Variants in PECR observed in about 807,000 individuals in gnomAD.
PECR encodes peroxisomal trans-2-enoyl-CoA reductase.
PECR carries 30 observed loss-of-function variants against 35.3 expected under a neutral mutation model. The ratio of observed to expected loss-of-function variants is 0.85; its 90% CI spans 0.64 to 1.15. PECR has a LOEUF of 1.15. PECR is among the 50% of genes most tolerant of loss of function. PECR has a pLI of 0.00. For missense variants in PECR, 392 were observed against 370.8 expected (o/e 1.06, Z -0.47); for synonymous variants, 148 against 138.9 (o/e 1.07, Z -0.46).
At chr2:216,070,073 A>G (rs1297343416) in intron 1 of PECR, among the ~76,000 whole-genome samples, 2 of 152,234 alleles carry the variant, frequency 1.3e-5, no homozygotes, top group African/African-American at 4.8e-5. Context: ...CTTGCTCTAT[A>G]TCATAAGGTA....
intron 7 of PECR, among the ~76,000 whole-genome samples, chr2:216,041,611 A>C (rs1398536628): frequency 6.6e-6 from 1 of 152,192 alleles, no homozygotes; most frequent in Non-Finnish European, 1.5e-5. Context: ...CTTATATGTT[A>C]ATGATTGACT....
chr2:216,036,041 T>C (rs1694788146), downstream of PECR, among the ~76,000 whole-genome samples: 2 of 152,194 alleles, frequency 1.3e-5, no homozygotes, highest in South Asian at 4.1e-4. Flanking sequence ...TCAGACACCA[T>C]GACTATCTGG....
chr2:216,042,267 G>A (rs1261528549), intron 7 of PECR, among the ~76,000 whole-genome samples: 1 of 152,164 alleles, frequency 6.6e-6, no homozygotes, highest in Non-Finnish European at 1.5e-5. Flanking sequence ...CCAAACAACT[G>A]GTCACAGAAG....
rs1267423614 is a variant in PECR, at chr2:216,066,538, G to A, written c.125-20C>T. The A allele has an allele frequency of 1.2e-6, 2 of 1,609,160 alleles. No homozygotes were observed. Among genetic ancestry groups the A allele is most frequent in the Non-Finnish European group, 1.7e-6 (2 of 1,178,392 alleles). ...TACTCCCTGAGGAGAAACAGCCAGAGAACAAATAAATATGCCTTCATGGGA... is the reference window on the plus strand; with the variant it reads ...TACTCCCTGAGGAGAAACAGCCAGAAAACAAATAAATATGCCTTCATGGGA... On this transcript the variant is annotated intron_variant, in intron 1 of 7. Transcript: ENST00000265322.
intron 7 of PECR, among the ~76,000 whole-genome samples, chr2:216,029,910 T>C (rs371684171): frequency 6.6e-6 from 1 of 152,226 alleles, no homozygotes; most frequent in South Asian, 2.1e-4. Flanking sequence ...GTTTGTAGCC[T>C]ATGGCTGAGT....
intron 7 of PECR, among the ~76,000 whole-genome samples, chr2:216,043,176 C>T (rs537201457): frequency 4.7e-5 from 7 of 148,158 alleles, no homozygotes; most frequent in Non-Finnish European, 9.0e-5. Flanking sequence ...GGCACAATCT[C>T]GGCTCACTGC....
chr2:216,071,430 C>T (rs1026160559), intron 1 of PECR, among the ~76,000 whole-genome samples: 10 of 151,888 alleles, frequency 6.6e-5, no homozygotes, highest in African/African-American at 2.2e-4. Flanking sequence ...TCATCCTTCT[C>T]GTGCAACAGT....
At chr2:216,051,053 T>C (rs951908512) in intron 5 of PECR, among the ~76,000 whole-genome samples, 7 of 151,624 alleles carry the variant, frequency 4.6e-5, no homozygotes, top group African/African-American at 7.3e-5. Flanking sequence ...TGAGAGGCCA[T>C]GGCGAACAGA....
At chr2:216,043,090 T>A (rs1309119542) in intron 7 of PECR, among the ~76,000 whole-genome samples, 1 of 142,742 alleles carries the variant, frequency 7.0e-6, no homozygotes, top group Admixed American at 7.0e-5. Flanking sequence ...TACACATACA[T>A]ATATATGTAT....
chr2:216,065,709 G>A (rs1184950207), intron 2 of PECR, among the ~76,000 whole-genome samples: 15 of 152,134 alleles, frequency 9.9e-5, no homozygotes, highest in Admixed American at 9.2e-4. Flanking sequence ...TAATTTTGAC[G>A]ACAAGATATA....
intron 4 of PECR, among the ~76,000 whole-genome samples, chr2:216,055,912 A>G (rs1242042391): frequency 2.0e-5 from 3 of 152,184 alleles, no homozygotes; most frequent in African/African-American, 7.2e-5. Flanking sequence ...CTGTGTCTTT[A>G]CACAGTAAAT....
chr2:216,072,116 G>A (rs973725546), intron 1 of PECR, among the ~76,000 whole-genome samples: 8 of 152,138 alleles, frequency 5.3e-5, no homozygotes, highest in Non-Finnish European at 1.2e-4. Context: ...TTCTATGTGA[G>A]GTGATACAGT....
intron 1 of PECR, among the ~76,000 whole-genome samples, chr2:216,075,791 T>G (rs116762204): frequency 6.6e-6 from 1 of 152,194 alleles, no homozygotes; most frequent in African/African-American, 2.4e-5. Context: ...TCTTGGTCCC[T>G]GGTGTTGGTA....
At chr2:216,076,442 A>C (rs1695699739) in intron 1 of PECR, among the ~76,000 whole-genome samples, 1 of 152,212 alleles carries the variant, frequency 6.6e-6, no homozygotes, top group Non-Finnish European at 1.5e-5. Context: ...AAATTACCTA[A>C]AAATTCAATA....
Position 216,066,865 on chromosome 2 carries a change from A to G in PECR, c.125-347T>C, listed in dbSNP as rs148629252. Among the ~76,000 whole-genome samples, 822 of 152,224 alleles carry G rather than the reference A, an allele frequency of 5.4e-3. 9 individuals carry two copies. The highest frequency in any genetic ancestry group is 0.019 in the African/African-American group (780 of 41,528). Reference sequence around the variant, plus strand: ...ACTGCACCTGGCCATGCGTGTTCCTATGTCTTAAAAAAAAGCTGAATTAGG... The same window carrying G: ...ACTGCACCTGGCCATGCGTGTTCCTGTGTCTTAAAAAAAAGCTGAATTAGG... On this transcript the variant is annotated intron_variant, in intron 1 of 7. Transcript: ENST00000265322.
chr2:216,057,911 G>A (rs1166821327), intron 4 of PECR: 2 of 152,178 alleles, frequency 1.3e-5, no homozygotes, highest in Non-Finnish European at 2.9e-5. Context: ...TGACTTGAGA[G>A]GCACTCTCTC....
At chr2:216,070,171 AATTTTT>A (rs1485239193) in intron 1 of PECR, among the ~76,000 whole-genome samples, 15 of 152,190 alleles carry the variant, frequency 9.9e-5, no homozygotes, top group South Asian at 2.1e-4. Flanking sequence ...GAGGTTTTTA[AATTTTT>A]ATTTTTAACT....
At chr2:216,048,972 C>T (rs1293675865) in intron 6 of PECR, among the ~76,000 whole-genome samples, 5 of 151,736 alleles carry the variant, frequency 3.3e-5, no homozygotes, top group Admixed American at 6.6e-5. Flanking sequence ...GCTTAGGGTC[C>T]TGTGTACCAA....
chr2:216,065,468 A>C lies in PECR; in HGVS notation c.268T>G (p.Leu90Val), dbSNP rs139183448. 120 of 1,593,794 alleles carry C rather than the reference A, an allele frequency of 7.5e-5. No individual in the cohort carries two copies. The African/African-American group carries it at 1.5e-3, about 20-fold the overall frequency. ...NIRNEEEVNN[L>V]VKSTLDTFGK... Reference sequence around the variant, plus strand: ...AAAGTATCTAAGGTAGATTTGACCAAATTATTCACCTAAAGAAGAACAGTA... The same window carrying C: ...AAAGTATCTAAGGTAGATTTGACCACATTATTCACCTAAAGAAGAACAGTA... The change falls in exon 3 of 8, where the codon TTG (leucine) becomes GTG (valine). Residue 90 changes from leucine to valine, a missense_variant. Coordinates refer to ENST00000265322, the MANE Select transcript of PECR (RefSeq NM_018441.6).
Sources: allele counts gnomAD v4.1 joint callset (sites outside exome capture counted in the v4.1 genomes callset), GRCh38; gene constraint gnomAD v4.1.1; transcripts MANE v1.5; gene names NCBI Gene and HGNC (gene_info 2026-07-23, HGNC 2026-07-21).